ARHGEF18: variants seen among roughly 807,000 people sequenced by gnomAD.
ARHGEF18 encodes Rho/Rac guanine nucleotide exchange factor 18, also known as rho guanine nucleotide exchange factor 18.
In ARHGEF18, 93 loss-of-function variants were observed where a neutral mutation model predicts 155.7. The ratio of observed to expected loss-of-function variants is 0.60; its 90% confidence interval spans 0.50 to 0.71. The LOEUF (loss-of-function observed/expected upper bound fraction) is 0.71. Ranked by LOEUF, ARHGEF18 falls within the 30% of genes least tolerant of loss-of-function variation. ARHGEF18 has a pLI of 0.00. For synonymous variants in ARHGEF18, 742 were observed against 753.1 expected, an observed-to-expected ratio of 0.99 and a Z score of 0.24; for missense variants, 1,593 against 1,816.1, an observed-to-expected ratio of 0.88 and a Z score of 2.23.
Position 7,383,270 on chromosome 19 carries a change from T to A in ARHGEF18, c.967+67T>A, listed in dbSNP as rs1600243469. On this transcript the variant is annotated intron_variant, in intron 10 of 28. Transcript: ENST00000668164. ...CTTTCTCTTCTTCACGTCCTTTCAA[T>A]CATACTCCTGGGGTCTCTTTTGATG... The A allele has an allele frequency of 4.1e-6, 5 of 1,230,182 alleles. No individual in the cohort carries two copies. In the East Asian group the frequency reaches 1.3e-4, roughly 31 times the overall value. The allele number at this position is 1,230,182 out of a possible 1,614,324, so 76.2% of individuals were successfully genotyped here.
At chr19:7,399,130 C>T (rs1600298041) in intron 10 of ARHGEF18, among the ~76,000 whole-genome samples, 3 of 152,276 alleles carry the variant, frequency 2.0e-5, no homozygotes, top group African/African-American at 2.4e-5. Flanking sequence ...GTTAGGTAAA[C>T]TTTACTTTCC....
intron 8 of ARHGEF18, among the ~76,000 whole-genome samples, 159 bp downstream of exon 8, chr19:7,381,153 G>GTA (rs766553561): frequency 5.3e-5 from 8 of 152,088 alleles, no homozygotes; most frequent in Non-Finnish European, 8.8e-5. Flanking sequence ...TGAGGCTCCC[G>GTA]TATACCCTGA....
intron 15 of ARHGEF18, among the ~76,000 whole-genome samples, chr19:7,448,075 C>A (rs1247931873): frequency 6.6e-6 from 1 of 152,214 alleles, no homozygotes; most frequent in Admixed American, 6.5e-5. Flanking sequence ...GAGACCCCTG[C>A]AGCTCAGTAT....
At chr19:7,374,677 C>CA (rs938236037) in intron 3 of ARHGEF18, among the ~76,000 whole-genome samples, 12 of 127,984 alleles carry the variant, frequency 9.4e-5, no homozygotes, top group East Asian at 2.8e-4. Context: ...GACTCTGTCT[C>CA]AAAAAAAAAG....
At chr19:7,379,385 C>A (rs1970619287) in intron 7 of ARHGEF18, among the ~76,000 whole-genome samples, 1 of 151,994 alleles carries the variant, frequency 6.6e-6, no homozygotes, top group African/African-American at 2.4e-5. Flanking sequence ...ATGGCGAAAC[C>A]TCGTCTCTAC....
intron 10 of ARHGEF18, among the ~76,000 whole-genome samples, chr19:7,385,822 T>C (rs539804528): frequency 4.7e-5 from 5 of 105,412 alleles, no homozygotes; most frequent in African/African-American, 2.6e-4. Context: ...AGATAGGATC[T>C]ATCTCTCTCT....
intron 3 of ARHGEF18, among the ~76,000 whole-genome samples, chr19:7,374,067 C>T (rs965309649): frequency 2.0e-5 from 3 of 152,002 alleles, no homozygotes; most frequent in African/African-American, 7.2e-5. Context: ...GCCCCTGCTC[C>T]TTTGATAATC....
intron 10 of ARHGEF18, among the ~76,000 whole-genome samples, chr19:7,431,871 T>A (rs1258586988): frequency 1.3e-5 from 2 of 152,184 alleles, no homozygotes; most frequent in Non-Finnish European, 2.9e-5. Flanking sequence ...AAGCACTCAA[T>A]AAATAGTACC....
At position 7,440,378 on chromosome 19, in the gene ARHGEF18, G is replaced by A. The variant is rs778269583; in HGVS notation, c.1002G>A (p.Leu334=). The A allele has an allele frequency of 1.2e-6, 2 of 1,611,402 alleles. No homozygotes were observed. Among genetic ancestry groups the A allele is most frequent in the East Asian group, 4.5e-5 (2 of 44,872 alleles). The change falls in exon 11 of 29, where the codon CTG becomes CTA. Residue 334 remains leucine (L), a synonymous_variant. Transcript: ENST00000668164. The surrounding 1 kb of genome is among the most constrained non-coding windows in gnomAD (Gnocchi z 5.4). The part of the protein sequence containing the change: ...SLKEHPRGTL[L]SDGSPALSRN... ...AGGAGCACCCCCGGGGCACCCTCCT[G>A]TCCGATGGCAGCCCGGCCCTGTCCA...
intron 10 of ARHGEF18, among the ~76,000 whole-genome samples, chr19:7,403,323 A>G (rs1972114855): frequency 6.6e-6 from 1 of 152,116 alleles, no homozygotes; most frequent in African/African-American, 2.4e-5. Context: ...CACCCACAAG[A>G]AAAGCTCACA....
rs894698852 is a variant in ARHGEF18, at chr19:7,395,120, G to A, written c.967+11917G>A. ...CGCGCATGCGCTGCTCTCCTCGCGC[G>A]GCTTCCCGCTTCCGGCTCCCAGCTG... On this transcript the variant is annotated intron_variant, in intron 10 of 28. Transcript: ENST00000668164. This position sits in a 1 kb window ranked among gnomAD's most constrained non-coding sequence, Gnocchi z 5.0. 1 of 985,428 alleles carries A rather than the reference G, an allele frequency of 1.0e-6. No individual in the cohort carries two copies. Among genetic ancestry groups the A allele is most frequent in the Non-Finnish European group, 1.2e-6 (1 of 830,002 alleles). 61.0% of individuals were successfully genotyped at this position (985,428 alleles called of 1,614,324 possible). A position where few individuals can be genotyped will look rare whatever the true frequency, so the allele number is the denominator to read the frequency against.
At chr19:7,364,140 A>G (rs1600190840) in intron 2 of ARHGEF18, among the ~76,000 whole-genome samples, 1 of 151,612 alleles carries the variant, frequency 6.6e-6, no homozygotes, top group East Asian at 2.0e-4. Flanking sequence ...AAATAAAAGA[A>G]TAAAGGAAGG....
At chr19:7,358,630 C>G (rs1470420308) in intron 1 of ARHGEF18, among the ~76,000 whole-genome samples, 1 of 152,176 alleles carries the variant, frequency 6.6e-6, no homozygotes, top group Non-Finnish European at 1.5e-5. Flanking sequence ...TGACTCTGTG[C>G]CCAACCCAAC....
At chr19:7,360,221 C>CT (rs950783807) in intron 1 of ARHGEF18, among the ~76,000 whole-genome samples, 1 of 151,608 alleles carries the variant, frequency 6.6e-6, no homozygotes, top group Non-Finnish European at 1.5e-5. Context: ...CTTTTCTTTT[C>CT]TTTTTTCATT....
At position 7,407,803 on chromosome 19, in the gene ARHGEF18, A is replaced by G. The variant is rs1293246162; in HGVS notation, c.967+24600A>G. ...CGGTGAAACCCCGTCTCTACTGAAA[A>G]TACAAAAAAACTAGCCGGGCGTGGT... On this transcript the variant is annotated intron_variant, in intron 10 of 28. Transcript: ENST00000668164. Among the ~76,000 whole-genome samples the G allele has an allele frequency of 2.0e-5, 3 of 151,848 alleles. No individual in the cohort carries two copies. In the East Asian group the frequency reaches 5.8e-4, roughly 29 times the overall value.
At chr19:7,459,170 C>T (rs1444706430) in intron 19 of ARHGEF18, among the ~76,000 whole-genome samples, 1 of 152,064 alleles carries the variant, frequency 6.6e-6, no homozygotes, top group African/African-American at 2.4e-5. Flanking sequence ...TCAGCCTCCC[C>T]GAGTAGCTGG....
chr19:7,440,513 T>G lies in ARHGEF18; in HGVS notation c.1106+31T>G, dbSNP rs891648796. ...CCAGGGTCCCCTCTGTGCCCTCGGG[T>G]GGGTGGTGGCATTCCCCGGGGAGCT... On this transcript the variant is annotated intron_variant, in intron 11 of 28. Transcript: ENST00000668164. The surrounding 1 kb of genome is among the most constrained non-coding windows in gnomAD (Gnocchi z 5.4). 8 of 1,570,458 alleles carry G rather than the reference T, an allele frequency of 5.1e-6. No homozygotes were observed. The highest frequency in any genetic ancestry group is 6.9e-6 in the Non-Finnish European group (8 of 1,163,304).
intron 10 of ARHGEF18, among the ~76,000 whole-genome samples, chr19:7,389,486 TCTTCCTTCCTCCCTTC>T (rs950187727): frequency 1.1e-4 from 12 of 114,136 alleles, no homozygotes; most frequent in African/African-American, 3.6e-4. Context: ...CTTCCTTCCT[TCTTCCTTCCTCCCTTC>T]CTTCCTTCCT....
At chr19:7,460,164 A>G (rs1375228215) in intron 20 of ARHGEF18, among the ~76,000 whole-genome samples, 170 bp downstream of exon 20, 1 of 152,094 alleles carries the variant, frequency 6.6e-6, no homozygotes, top group Admixed American at 6.6e-5. Context: ...GCCATGACAT[A>G]GCGATCTCCA....
Sources: allele counts gnomAD v4.1 joint callset (sites outside exome capture counted in the v4.1 genomes callset), GRCh38; gene constraint gnomAD v4.1.1; non-coding constraint Gnocchi (gnomAD v3.1); transcripts MANE v1.5; gene names NCBI Gene and HGNC (gene_info 2026-07-23, HGNC 2026-07-21).